The following SP140 variants were observed in gnomAD, a reference collection of about 807,000 sequenced individuals.
The protein encoded by SP140 is SP140 nuclear body protein.
A neutral mutation model predicts 125.0 loss-of-function variants in SP140; 81 were observed. That is an observed-to-expected ratio of 0.65 (90% CI 0.54 to 0.78). The LOEUF (loss-of-function observed/expected upper bound fraction) is 0.78, where lower values mean the gene tolerates loss of function less well. Ranked by LOEUF, SP140 falls within the 30% of genes least tolerant of loss-of-function variation. The pLI, the probability that SP140 is intolerant of heterozygous loss-of-function variation, is 0.00. For synonymous variants in SP140, 312 were observed against 354.0 expected, an observed-to-expected ratio of 0.88 and a Z score of 1.33; for missense variants, 858 against 1,037.0, an observed-to-expected ratio of 0.83 and a Z score of 2.37.
At chr2:230,284,133 G>GTAGT (rs1335754290) in intron 15 of SP140, among the ~76,000 whole-genome samples, 1 of 152,122 alleles carries the variant, frequency 6.6e-6, no homozygotes, top group Non-Finnish European at 1.5e-5. Context: ...GTCATCTCCT[G>GTAGT]TAGTCTCTCC....
At chr2:230,204,853 G>C (rs1377446212) in intron 1 of SP140, among the ~76,000 whole-genome samples, 4 of 152,182 alleles carry the variant, frequency 2.6e-5, no homozygotes, top group African/African-American at 9.7e-5. Context: ...ATGGGGAGTA[G>C]TGTAGGTTCA....
In SP140 at chr2:230,248,064, AG is replaced by A. The variant is rs1369040984; in HGVS notation, c.892+1del. 1 of 1,613,208 alleles carries A rather than the reference AG, an allele frequency of 6.2e-7. No individual in the cohort carries two copies. On this transcript the variant is annotated frameshift_variant and splice_region_variant, in exon 8 of 27. Transcript: ENST00000392045. LOFTEE classifies it high-confidence loss of function. ...YQESPEGRDKETFDLKTPQVT... is the reference protein window; with the variant it reads ...YQESPEGRDKXTFDLKTPQVT... ...AAGAGAGTCCAGAGGGAAGAGACAA[AG>A]GTAGGAACAGAAGAAGCAGAGACAT... is the stretch of plus-strand genomic sequence containing the variant.
chr2:230,268,828 A>G (rs1237643917), intron 12 of SP140, among the ~76,000 whole-genome samples: 3 of 152,228 alleles, frequency 2.0e-5, no homozygotes, highest in Admixed American at 6.5e-5. Context: ...AGGGTCCCAC[A>G]GGACACTCCC....
At chr2:230,244,539 C>T (rs1335003360) in intron 5 of SP140, among the ~76,000 whole-genome samples, 1 of 152,110 alleles carries the variant, frequency 6.6e-6, no homozygotes, top group Non-Finnish European at 1.5e-5. Flanking sequence ...CAAGGAGACT[C>T]TTATTCAGCA....
In SP140 at chr2:230,288,030, G is replaced by C. The variant is rs184244223; in HGVS notation, c.1720+64G>C. 2.7e-3 allele frequency: 3,558 copies of C among 1,315,528 alleles called. 146 individuals carry two copies. In the Admixed American group the frequency reaches 0.071, roughly 26 times the overall value. 81.5% of individuals were successfully genotyped at this position (1,315,528 alleles called of 1,614,324 possible). On this transcript the variant is annotated intron_variant, in intron 18 of 26. Transcript: ENST00000392045. ...CATCTAATTTCCTGTGCGGTACACT[G>C]TACTTTCAGTAATAAACCCATTTCC...
intron 3 of SP140, among the ~76,000 whole-genome samples, chr2:230,214,565 TA>T (rs1358881336): frequency 6.6e-6 from 1 of 152,250 alleles, no homozygotes; most frequent in African/African-American, 2.4e-5. Flanking sequence ...CAAAAAAAGA[TA>T]CTTATTATTA....
chr2:230,203,806 A>G (rs1006856136), intron 1 of SP140: 2 of 152,242 alleles, frequency 1.3e-5, no homozygotes, highest in South Asian at 2.1e-4. Context: ...GTAAAATAAT[A>G]TGACTCTTAA....
the SP140 span, among the ~76,000 whole-genome samples, chr2:230,190,388 T>C: frequency 1.7e-3 from 261 of 152,158 alleles, 1 homozygote; most frequent in Non-Finnish European, 2.8e-3. Flanking sequence ...CCTTTGCCCA[T>C]TTTTTGATGG....
intron 12 of SP140, among the ~76,000 whole-genome samples, chr2:230,265,318 C>T (rs2052916947): frequency 6.6e-6 from 1 of 152,084 alleles, no homozygotes; most frequent in Non-Finnish European, 1.5e-5. Context: ...CCCACCATGC[C>T]CCGCCCCAAC....
chr2:230,268,595 G>A (rs1166565640), intron 12 of SP140, among the ~76,000 whole-genome samples: 1 of 151,652 alleles, frequency 6.6e-6, no homozygotes, highest in Non-Finnish European at 1.5e-5. Context: ...AAGTAAATAA[G>A]CACATTAATT....
At position 230,211,446 on chromosome 2, in the gene SP140, T is replaced by G; in HGVS notation, c.-322-2208T>G. The G allele has an allele frequency of 6.9e-7, 1 of 1,452,748 alleles. No homozygotes were observed. The highest frequency in any genetic ancestry group is 1.4e-5 in the African/African-American group (1 of 71,776). The allele number at this position is 1,452,748 out of a possible 1,614,324, so 90.0% of individuals were successfully genotyped here. A position where few individuals can be genotyped will look rare whatever the true frequency, so the allele number is the denominator to read the frequency against. ...TAAACACAGAAACAAAGGCAAGCTT[T>G]TAGGTTGACCAAACCAAGATTACCT... On this transcript the variant is annotated intron_variant, in intron 1 of 4. Transcript: ENST00000456542. This position sits in a 1 kb window ranked among gnomAD's most constrained non-coding sequence, Gnocchi z 4.2.
intron 14 of SP140, 135 bp downstream of exon 14, chr2:230,270,088 T>G: frequency 3.1e-6 from 2 of 647,750 alleles, no homozygotes; most frequent in South Asian, 3.8e-5. Flanking sequence ...TTTGGGGAGC[T>G]GCAGGGAGGC....
At chr2:230,194,460 A>T in the SP140 span, among the ~76,000 whole-genome samples, 20 of 135,224 alleles carry the variant, frequency 1.5e-4, no homozygotes, top group African/African-American at 5.2e-4. Context: ...AATAAATTAA[A>T]AAAAGAAAAA....
intron 22 of SP140, 106 bp from the exon 23 acceptor site, chr2:230,309,818 C>T: frequency 9.2e-7 from 1 of 1,091,492 alleles, no homozygotes; most frequent in Non-Finnish European, 1.4e-6. Context: ...AAGCATTTGC[C>T]TGTCCATGCA....
At chr2:230,200,747 G>GA (rs201134486), upstream of SP140, 599 of 707,634 alleles carry the variant, frequency 8.5e-4, 5 homozygotes, top group East Asian at 9.9e-3. Context: ...TCTTGATTAA[G>GA]AAAAAAAAAT....
intron 16 of SP140, among the ~76,000 whole-genome samples, chr2:230,285,335 T>C (rs1419058736): frequency 6.6e-6 from 1 of 152,226 alleles, no homozygotes; most frequent in Non-Finnish European, 1.5e-5. Flanking sequence ...TTTAGAGTCC[T>C]ATTGAAAGTT....
intron 20 of SP140, among the ~76,000 whole-genome samples, chr2:230,293,539 G>A (rs1030409715): frequency 3.3e-5 from 5 of 151,984 alleles, no homozygotes; most frequent in African/African-American, 7.3e-5. Flanking sequence ...GTTTTGTCAC[G>A]TTGGCCAGGC....
Position 230,249,003 on chromosome 2 carries a change from C to G in SP140, c.976+35C>G. On this transcript the variant is annotated intron_variant, in intron 9 of 26. Coordinates refer to ENST00000392045, the MANE Select transcript of SP140 (RefSeq NM_007237.5). ...ATTTAAGTTTTTAAATATTTGAGTACATCTTTGTTTTCTAGTTGGCATGGA... is the reference window on the plus strand; with the variant it reads ...ATTTAAGTTTTTAAATATTTGAGTAGATCTTTGTTTTCTAGTTGGCATGGA... 3 of 1,540,258 alleles carry G rather than the reference C, an allele frequency of 1.9e-6. No homozygotes were observed. The South Asian group carries it at 3.4e-5, about 17-fold the overall frequency.
upstream of SP140, chr2:230,225,666 T>C: frequency 4.5e-6 from 3 of 661,802 alleles, no homozygotes; most frequent in Non-Finnish European, 5.5e-6. Flanking sequence ...AGAGACGTCA[T>C]GGAGATTGGG....
Sources: gnomAD v4.1 joint callset for allele counts (sites outside exome capture counted in the v4.1 genomes callset) on GRCh38, gnomAD v4.1.1 for gene constraint, Gnocchi (gnomAD v3.1) non-coding constraint, MANE v1.5 for transcripts, NCBI Gene and HGNC (gene_info 2026-07-23, HGNC 2026-07-21) for gene names.